Variants in MACROD2 observed in about 807,000 individuals in gnomAD.
MACROD2 encodes ADP-ribose glycohydrolase MACROD2.
In MACROD2, 36 loss-of-function variants were observed where a neutral mutation model predicts 70.4. The ratio of observed to expected loss-of-function variants is 0.51; its 90% CI spans 0.39 to 0.68. The LOEUF is 0.68. MACROD2 is among the 30% of genes least tolerant of loss of function. MACROD2 has a pLI of 0.00. For synonymous variants in MACROD2, 172 were observed against 178.8 expected (o/e 0.96, Z 0.30); for missense variants, 496 against 538.4 (o/e 0.92, Z 0.78).
chr20:14,044,863 G>A (rs866170627), intron 2 of MACROD2, among the ~76,000 whole-genome samples: 53 of 152,362 alleles, frequency 3.5e-4, no homozygotes, highest in Middle Eastern at 6.8e-3. Context: ...ATGGGACTGG[G>A]TGCCGTAGAG....
intron 3 of MACROD2, among the ~76,000 whole-genome samples, chr20:14,247,177 T>C (rs1327697277): frequency 6.6e-6 from 1 of 152,102 alleles, no homozygotes; most frequent in Non-Finnish European, 1.5e-5. Flanking sequence ...TTATTAACAA[T>C]AGAGAAGCAA....
intron 8 of MACROD2, among the ~76,000 whole-genome samples, chr20:15,724,454 G>GTAA (rs1211210671): frequency 6.9e-6 from 1 of 145,814 alleles, no homozygotes; most frequent in African/African-American, 2.5e-5. Context: ...TGGGGAAGGT[G>GTAA]TAAGGTCTTT....
intron 3 of MACROD2, among the ~76,000 whole-genome samples, chr20:14,331,501 T>C (rs1402026123): frequency 6.6e-6 from 1 of 152,100 alleles, no homozygotes; most frequent in Non-Finnish European, 1.5e-5. Context: ...TGTCATTCTC[T>C]TCTCCCCACA....
intron 17 of MACROD2, among the ~76,000 whole-genome samples, chr20:16,048,324 GACAAA>G (rs1457047197): frequency 1.3e-5 from 2 of 152,046 alleles, no homozygotes; most frequent in South Asian, 4.2e-4. Context: ...ACATTTGAAT[GACAAA>G]ACAAATAAAA....
chr20:15,686,089 A>G (rs1259107703), intron 8 of MACROD2, among the ~76,000 whole-genome samples: 1 of 152,356 alleles, frequency 6.6e-6, no homozygotes, highest in Admixed American at 6.5e-5. Context: ...ACAGGTGGAA[A>G]TGATGAGTTG....
intron 5 of MACROD2, among the ~76,000 whole-genome samples, chr20:15,193,221 A>G (rs1158408861): frequency 6.6e-6 from 1 of 152,126 alleles, no homozygotes; most frequent in Admixed American, 6.6e-5. Flanking sequence ...AGAAATATGT[A>G]TTAGAGTATT....
chr20:14,282,566 G>A (rs937439696), intron 3 of MACROD2, among the ~76,000 whole-genome samples: 2 of 152,098 alleles, frequency 1.3e-5, no homozygotes, highest in African/African-American at 2.4e-5. Context: ...GCTTGTATTC[G>A]GCCATTCTTG....
At chr20:15,483,725 C>G (rs551294223) in intron 7 of MACROD2, among the ~76,000 whole-genome samples, 6 of 151,016 alleles carry the variant, frequency 4.0e-5, no homozygotes, top group Admixed American at 3.9e-4. Context: ...ATTTAGTTCT[C>G]CTTTGATTTT....
At chr20:16,035,036 A>G (rs1414315754) in intron 15 of MACROD2, among the ~76,000 whole-genome samples, 1 of 143,322 alleles carries the variant, frequency 7.0e-6, no homozygotes, top group Admixed American at 7.2e-5. Flanking sequence ...TAACTAATAT[A>G]TAAAATATAA....
At chr20:14,016,766 T>TTG (rs1278546943) in intron 2 of MACROD2, among the ~76,000 whole-genome samples, 1 of 152,160 alleles carries the variant, frequency 6.6e-6, no homozygotes, top group East Asian at 1.9e-4. Context: ...TAATGTAGCT[T>TTG]TGTAGTAAGT....
intron 7 of MACROD2, among the ~76,000 whole-genome samples, chr20:15,469,749 G>A (rs528860074): frequency 2.6e-5 from 4 of 152,206 alleles, no homozygotes; most frequent in Non-Finnish European, 5.9e-5. Flanking sequence ...GGATTAAGGG[G>A]GTTTATGCAA....
chr20:14,759,906 C>G (rs141149515), intron 5 of MACROD2, among the ~76,000 whole-genome samples: 3 of 152,044 alleles, frequency 2.0e-5, no homozygotes, highest in African/African-American at 4.8e-5. Flanking sequence ...GATTAAGTTC[C>G]CTTTCAACTT....
At chr20:14,949,404 C>A (rs2074458041) in intron 5 of MACROD2, among the ~76,000 whole-genome samples, 1 of 152,024 alleles carries the variant, frequency 6.6e-6, no homozygotes, top group Non-Finnish European at 1.5e-5. Flanking sequence ...CAAATTCTCC[C>A]CTTCAGAGGC....
intron 5 of MACROD2, among the ~76,000 whole-genome samples, chr20:15,215,253 TG>T: frequency 6.1e-5 from 2 of 32,554 alleles, no homozygotes; most frequent in Non-Finnish European, 1.2e-4. Context: ...TCCTGTATTT[TG>T]TGTGTGTGTG....
chr20:14,875,294 T>C (rs954952081), intron 5 of MACROD2, among the ~76,000 whole-genome samples: 1 of 151,920 alleles, frequency 6.6e-6, no homozygotes, highest in Non-Finnish European at 1.5e-5. Flanking sequence ...GGCAGGAGAA[T>C]AGCTTTAACC....
chr20:14,299,951 A>T (rs2082460911), intron 3 of MACROD2, among the ~76,000 whole-genome samples: 1 of 152,196 alleles, frequency 6.6e-6, no homozygotes. Context: ...GAAGCTCGAT[A>T]GAATAATTTA....
intron 8 of MACROD2, among the ~76,000 whole-genome samples, chr20:15,537,759 C>T (rs1221864259): frequency 6.6e-6 from 1 of 152,154 alleles, no homozygotes; most frequent in East Asian, 1.9e-4. Context: ...CAGGCATGAG[C>T]CACCATGCCA....
chr20:15,570,329 A>T (rs895340702), intron 8 of MACROD2, among the ~76,000 whole-genome samples: 5 of 152,146 alleles, frequency 3.3e-5, no homozygotes, highest in African/African-American at 1.2e-4. Context: ...AGCTCTTAGA[A>T]TGTTGGCACT....
At chr20:14,662,102 G>A (rs1017561057) in intron 4 of MACROD2, among the ~76,000 whole-genome samples, 3 of 151,918 alleles carry the variant, frequency 2.0e-5, no homozygotes, top group East Asian at 1.9e-4. Context: ...GGGACAATTG[G>A]CAAAGTTCTA....
Sources: gnomAD v4.1 joint callset for allele counts (sites outside exome capture counted in the v4.1 genomes callset) on GRCh38, gnomAD v4.1.1 for gene constraint, MANE v1.5 for transcripts, NCBI Gene and HGNC (gene_info 2026-07-23, HGNC 2026-07-21) for gene names.